Variants in VPS13C observed in about 807,000 individuals in gnomAD.
The protein encoded by VPS13C is vacuolar protein sorting 13 homolog C.
Under a neutral mutation model 456.8 loss-of-function variants are expected in VPS13C, and 358 were observed. That is an observed-to-expected ratio of 0.78 (90% CI 0.72 to 0.86). VPS13C has a LOEUF of 0.86. Ranked by LOEUF, VPS13C falls within the 40% of genes least tolerant of loss-of-function variation. VPS13C has a pLI of 0.00. For missense variants in VPS13C, 4,818 were observed against 4,385.4 expected (o/e 1.10, Z -2.79); for synonymous variants, 1,578 against 1,486.7 (o/e 1.06, Z -1.41).
chr15:62,014,431 T>C (rs911076599), intron 9 of VPS13C, among the ~76,000 whole-genome samples: 4 of 152,128 alleles, frequency 2.6e-5, no homozygotes, highest in African/African-American at 4.8e-5. Context: ...ACTAAACTTA[T>C]TTAGCAGCAA....
At chr15:61,972,397 C>A (rs2045580284) in intron 27 of VPS13C, among the ~76,000 whole-genome samples, 1 of 152,130 alleles carries the variant, frequency 6.6e-6, no homozygotes. Flanking sequence ...AGATATGCCA[C>A]AGATCATTCT....
chr15:61,895,420 T>G (rs1248623087), intron 66 of VPS13C, among the ~76,000 whole-genome samples: 1 of 151,720 alleles, frequency 6.6e-6, no homozygotes, highest in Non-Finnish European at 1.5e-5. Context: ...AAACAAAAAG[T>G]TTTTTGAAAA....
At chr15:61,892,866 C>T (rs147266896) in intron 66 of VPS13C, among the ~76,000 whole-genome samples, 59 of 152,234 alleles carry the variant, frequency 3.9e-4, no homozygotes, top group African/African-American at 1.4e-3. Flanking sequence ...GTATTAGAGG[C>T]TCTCAACAGC....
chr15:61,958,785 T>C (rs1467636674), intron 36 of VPS13C, 69 bp from the exon 37 acceptor site: 1 of 826,922 alleles, frequency 1.2e-6, no homozygotes, highest in East Asian at 3.1e-5. Flanking sequence ...ATACAGAAAA[T>C]AAATTCCCAT....
rs775147450 is a variant in VPS13C, at chr15:61,863,452, A to T, written c.10940T>A (p.Met3647Lys). The T allele has an allele frequency of 1.4e-5, 22 of 1,612,206 alleles. No homozygotes were observed. ...AIPGSKKTIL[M>K]VTNRRVLCIK... ...TTCAAGTCAGTACCTATTTGTAACC[A>T]TAAGGATTGTCTTCTTGCTTCCAGG... is the stretch of plus-strand genomic sequence containing the variant. The change falls in exon 82 of 85, where the codon ATG (methionine) becomes AAG (lysine). Residue 3647 changes from methionine (M) to lysine (K), a missense_variant. Transcript: ENST00000644861.
At chr15:61,855,980 T>C (rs1185724133) in intron 83 of VPS13C, among the ~76,000 whole-genome samples, 1 of 151,738 alleles carries the variant, frequency 6.6e-6, no homozygotes, top group African/African-American at 2.4e-5. Context: ...TACAGCAACA[T>C]GGGTGTCCAT....
At chr15:62,018,715 C>T (rs1284287599) in intron 9 of VPS13C, among the ~76,000 whole-genome samples, 1 of 151,944 alleles carries the variant, frequency 6.6e-6, no homozygotes, top group African/African-American at 2.4e-5. Context: ...ATTTTTGCAT[C>T]GATGTTCATC....
intron 81 of VPS13C, chr15:61,866,884 C>A: frequency 5.1e-6 from 5 of 981,308 alleles, no homozygotes; most frequent in Non-Finnish European, 6.1e-6. Flanking sequence ...TTCAAATATA[C>A]AACACATTAA....
intron 12 of VPS13C, among the ~76,000 whole-genome samples, chr15:62,011,632 C>A (rs570974141): frequency 2.6e-5 from 4 of 151,898 alleles, no homozygotes; most frequent in African/African-American, 9.6e-5. Context: ...TAACAGGAAG[C>A]TTTGTTAGAG....
intron 68 of VPS13C, 93 bp downstream of exon 68, chr15:61,884,035 G>A (rs1896079222): frequency 8.5e-7 from 1 of 1,172,816 alleles, no homozygotes; most frequent in Non-Finnish European, 1.2e-6. Flanking sequence ...GTTCATTTCT[G>A]CACATGTCTT....
chr15:61,854,815 T>C (rs1369140446), intron 84 of VPS13C, 56 bp downstream of exon 84: 1 of 1,482,048 alleles, frequency 6.7e-7, no homozygotes, highest in Non-Finnish European at 9.2e-7. Context: ...TATAAGAGGC[T>C]TTTAAAAAAG....
At chr15:62,019,661 T>C (rs906677112) in intron 9 of VPS13C, among the ~76,000 whole-genome samples, 5 of 151,998 alleles carry the variant, frequency 3.3e-5, no homozygotes, top group Admixed American at 1.3e-4. Flanking sequence ...AGACTGTTTG[T>C]TATAATTTCT....
At chr15:61,888,323 T>C (rs1408936474) in intron 67 of VPS13C, among the ~76,000 whole-genome samples, 2 of 152,198 alleles carry the variant, frequency 1.3e-5, no homozygotes, top group African/African-American at 4.8e-5. Flanking sequence ...TATCATATGA[T>C]CCAGCAATCA....
chr15:62,039,524 T>A (rs767665463), intron 3 of VPS13C, among the ~76,000 whole-genome samples: 21 of 151,880 alleles, frequency 1.4e-4, no homozygotes, highest in Non-Finnish European at 2.7e-4. Context: ...AAAAATCTAA[T>A]AATCTGATTT....
At position 61,858,524 on chromosome 15, in the gene VPS13C, C is replaced by G. The variant is rs150859364; in HGVS notation, c.10953-2115G>C. Among the ~76,000 whole-genome samples the G allele has an allele frequency of 6.0e-4, 91 of 152,230 alleles. No individual in the cohort carries two copies. The highest frequency in any genetic ancestry group is 9.0e-4 in the Non-Finnish European group (61 of 68,024). On this transcript the variant is annotated intron_variant, in intron 82 of 84. Coordinates refer to ENST00000644861, the MANE Select transcript of VPS13C (RefSeq NM_020821.3). The surrounding 1 kb of genome is among the most constrained non-coding windows in gnomAD (Gnocchi z 4.4). Reference sequence around the variant, plus strand: ...CTCTATGGTAGACAGAATTCTAAGACAAGTCTCCAAGATTCCCCAACCCTG... The same window carrying G: ...CTCTATGGTAGACAGAATTCTAAGAGAAGTCTCCAAGATTCCCCAACCCTG...
At position 62,013,073 on chromosome 15, in the gene VPS13C, C is replaced by T. The variant is rs757940690; in HGVS notation, c.791G>A (p.Ser264Asn). The change falls in exon 11 of 85, where the codon AGC becomes AAC. Residue 264 changes from serine (S) to asparagine (N), a missense_variant. Transcript: ENST00000644861. The stretch of plus-strand genomic sequence containing the variant: ...TTCCCTTGATCTCTGGTAAGACATG[C>T]TGCAATTTACATTCCAGTAGGCGCT... Reference protein sequence around the residue: ...SLSAYWNVNCSMSYQRSREQI... With the variant: ...SLSAYWNVNCNMSYQRSREQI... The T allele has an allele frequency of 1.2e-6, 2 of 1,611,066 alleles. No individual in the cohort carries two copies. Among genetic ancestry groups the T allele is most frequent in the Admixed American group, 3.3e-5 (2 of 59,778 alleles).
intron 5 of VPS13C, among the ~76,000 whole-genome samples, chr15:62,029,857 T>C (rs564408916): frequency 6.6e-5 from 10 of 152,082 alleles, no homozygotes; most frequent in Non-Finnish European, 1.3e-4. Flanking sequence ...CACAAAGACA[T>C]TCAGCCTTAA....
chr15:61,871,188 G>C (rs937183756), intron 79 of VPS13C, among the ~76,000 whole-genome samples: 1 of 152,104 alleles, frequency 6.6e-6, no homozygotes, highest in African/African-American at 2.4e-5. Flanking sequence ...CCAAAGTCAT[G>C]AAGATTGACT....
rs1396644090 is a variant in VPS13C, at chr15:61,969,355, T to G, written c.2855A>C (p.Asp952Ala). 1 of 1,604,126 alleles carries G rather than the reference T, an allele frequency of 6.2e-7. No individual in the cohort carries two copies. Among genetic ancestry groups the G allele is most frequent in the East Asian group, 2.2e-5 (1 of 44,462 alleles). ...LGTEATMRTF[D>A]LTVVSYLKKI... ...CTTTAAATAAGATACCACAGTTAAGTCAAATGTTCTCATTGTGGCCTCTGT... is the reference window on the plus strand; with the variant it reads ...CTTTAAATAAGATACCACAGTTAAGGCAAATGTTCTCATTGTGGCCTCTGT... The change falls in exon 28 of 85, where the codon GAC (aspartate) becomes GCC (alanine). Residue 952 changes from aspartate (D) to alanine (A), a missense_variant. Transcript: ENST00000644861.
Sources: allele counts gnomAD v4.1 joint callset (sites outside exome capture counted in the v4.1 genomes callset), GRCh38; gene constraint gnomAD v4.1.1; non-coding constraint Gnocchi (gnomAD v3.1); transcripts MANE v1.5; gene names NCBI Gene and HGNC (gene_info 2026-07-23, HGNC 2026-07-21).